DGAT2L6: variants seen among roughly 807,000 people sequenced by gnomAD.
DGAT2L6 encodes diacylglycerol O-acyltransferase 2 like 6.
Under a neutral mutation model 25.5 loss-of-function variants are expected in DGAT2L6, and 22 were observed. The ratio of observed to expected loss-of-function variants is 0.86; its 90% CI spans 0.62 to 1.23. The LOEUF is 1.23. Ranked by LOEUF, DGAT2L6 falls within the 50% of genes most tolerant of loss-of-function variation. The probability of loss-of-function intolerance (pLI) is 0.00; values close to 1 mark genes in which losing one functional copy is unlikely to be tolerated. For missense variants in DGAT2L6, 287 were observed against 253.2 expected (o/e 1.13, Z -0.91); for synonymous variants, 100 against 94.7 (o/e 1.06, Z -0.32).
chrX:70,200,296 C>G lies in DGAT2L6; in HGVS notation c.309C>G (p.Ile103Met). Residue 103 changes from isoleucine (I) to methionine (M), a missense_variant, in exon 4 of 7, where the codon ATC (isoleucine) becomes ATG (methionine). Ile to Met is a conservative substitution (Grantham distance 10). Transcript: ENST00000333026. ...ATCTTTCTCCCAAACACAACTACAT[C>G]ATTGCCAATCACCCCCATGGCATTC... is the stretch of plus-strand genomic sequence containing the variant. ...THDLSPKHNY[I>M]IANHPHGILS... 1 of 1,211,514 alleles carries G rather than the reference C, an allele frequency of 8.3e-7. No individual in the cohort carries two copies. Among genetic ancestry groups the G allele is most frequent in the Non-Finnish European group, 1.1e-6 (1 of 895,343 alleles).
intron 5 of DGAT2L6, among the ~76,000 whole-genome samples, chrX:70,204,011 G>C (rs1394005111): frequency 4.5e-5 from 5 of 111,213 alleles, no homozygotes; most frequent in Non-Finnish European, 9.4e-5. Context: ...GAGTTTGAGA[G>C]GAGTGGCATG....
rs1034838290 is a variant in DGAT2L6 at position 70,201,887 on chromosome X, C to T, written c.473-3C>T. ...TCTACCACTTGACTCTTTGGTTTCA[C>T]AGGTGTGTGCCCTGTGAGTAGCTCA... On this transcript the variant is annotated splice_region_variant and splice_polypyrimidine_tract_variant and intron_variant, in intron 4 of 6. Transcript: ENST00000333026. 1 of 1,165,861 alleles carries T rather than the reference C, an allele frequency of 8.6e-7. No homozygotes were observed. The highest frequency in any genetic ancestry group is 1.8e-5 in the African/African-American group (1 of 55,448).
chrX:70,199,153 GAA>G (rs778513112), intron 1 of DGAT2L6, 116 bp from the exon 2 acceptor site: 1 of 449,618 alleles, frequency 2.2e-6, no homozygotes. Context: ...GAGAAGGAGA[GAA>G]GAGTCCCACA....
At chrX:70,204,811 G>T in intron 6 of DGAT2L6, 141 bp from the exon 7 acceptor site, 1 of 745,063 alleles carries the variant, frequency 1.3e-6, no homozygotes, top group Non-Finnish European at 1.9e-6. Flanking sequence ...CAGGGGCCAG[G>T]ATGAGACTGG....
rs760655417 is a variant in DGAT2L6 at position 70,199,295 on chromosome X, C to T, written c.110C>T (p.Pro37Leu). ...FLGAIPILLI[P>L]YFLLFSKFWP... is the part of the protein sequence containing the mutation. ...GGAGCTATTCCCATTCTCCTTATAC[C>T]CTACTTTCTGTTATTCAGTAAGTTC... Residue 37 changes from proline (P) to leucine (L), a missense_variant, in exon 2 of 7, where the codon CCC (proline) becomes CTC (leucine). Physicochemically the swap from Pro to Leu is moderately conservative, Grantham distance 98. Coordinates refer to ENST00000333026, the MANE Select transcript of DGAT2L6 (RefSeq NM_198512.3). 8.4e-7 allele frequency: 1 copy of T among 1,189,671 alleles called. No homozygotes were observed. Among genetic ancestry groups the T allele is most frequent in the African/African-American group, 1.7e-5 (1 of 57,624 alleles).
chrX:70,191,517 C>A (rs2085375476), intron 1 of DGAT2L6, among the ~76,000 whole-genome samples: 1 of 110,923 alleles, frequency 9.0e-6, no homozygotes. Flanking sequence ...GCATAAGGAA[C>A]CTATGGGACA....
intron 1 of DGAT2L6, among the ~76,000 whole-genome samples, chrX:70,188,976 CAA>C (rs200306182): frequency 5.7e-3 from 241 of 42,314 alleles, no homozygotes; most frequent in East Asian, 0.019. Flanking sequence ...AGGGCATCTA[CAA>C]AAAAAAAAAA....
intron 3 of DGAT2L6, 135 bp from the exon 4 acceptor site, chrX:70,200,120 G>A (rs1401766351): frequency 3.4e-5 from 23 of 677,890 alleles, no homozygotes; most frequent in Non-Finnish European, 4.7e-5. Context: ...GCAATCCTAT[G>A]ACAATGATGA....
chrX:70,203,022 T>A (rs1243996481), intron 5 of DGAT2L6, among the ~76,000 whole-genome samples: 1 of 112,160 alleles, frequency 8.9e-6, no homozygotes, highest in Non-Finnish European at 1.9e-5. Flanking sequence ...TTAGAGTCTT[T>A]GCTTTAGCGG....
At chrX:70,196,376 G>A (rs1156636560) in intron 1 of DGAT2L6, among the ~76,000 whole-genome samples, 1 of 106,619 alleles carries the variant, frequency 9.4e-6, no homozygotes, top group Admixed American at 1.0e-4. Context: ...CAGCCACTCT[G>A]GAGGCTGAAG....
At chrX:70,189,142 A>G (rs965103931) in intron 1 of DGAT2L6, among the ~76,000 whole-genome samples, 12 of 111,398 alleles carry the variant, frequency 1.1e-4, no homozygotes, top group Non-Finnish European at 1.7e-4. Flanking sequence ...AAAGAAAAAA[A>G]GAAATAAATG....
chrX:70,199,686 G>A, intron 2 of DGAT2L6, 126 bp from the exon 3 acceptor site: 1 of 597,116 alleles, frequency 1.7e-6, no homozygotes, highest in East Asian at 3.5e-5. Context: ...AGTACTTACA[G>A]TTCTGAGGTG....
chrX:70,193,333 A>C (rs2085381025), intron 1 of DGAT2L6, among the ~76,000 whole-genome samples: 2 of 110,341 alleles, frequency 1.8e-5, no homozygotes, highest in Admixed American at 9.7e-5. Flanking sequence ...AAAAGGATTA[A>C]TGTCAATCCT....
At chrX:70,203,826 C>T (rs1397592464) in intron 5 of DGAT2L6, among the ~76,000 whole-genome samples, 4 of 110,320 alleles carry the variant, frequency 3.6e-5, no homozygotes, top group Admixed American at 2.9e-4. Flanking sequence ...AAGATACTTC[C>T]GACAGAGGGA....
intron 4 of DGAT2L6, among the ~76,000 whole-genome samples, chrX:70,201,503 C>T (rs1178743432): frequency 9.0e-6 from 1 of 111,386 alleles, no homozygotes; most frequent in African/African-American, 3.3e-5. Flanking sequence ...GTCTCGATTA[C>T]CCCTGGAGGA....
Position 70,177,654 on chromosome X carries a change from C to T in DGAT2L6, c.72C>T (p.Val24=), listed in dbSNP as rs765516479. 11 of 1,208,262 alleles carry T rather than the reference C, an allele frequency of 9.1e-6. No homozygotes were observed. The South Asian group carries it at 1.8e-4, about 19-fold the overall frequency. Residue 24 remains valine, a synonymous_variant, in exon 1 of 7, where the codon GTC becomes GTT. Coordinates refer to ENST00000333026, the MANE Select transcript of DGAT2L6 (RefSeq NM_198512.3). ...QTFFVLQWIP[V]YIFLGAIPIL... Reference sequence around the variant, plus strand: ...TCTTTGTTTTGCAATGGATCCCAGTCTATATATTTTTAGGTGAGTGAACCC... The same window carrying T: ...TCTTTGTTTTGCAATGGATCCCAGTTTATATATTTTTAGGTGAGTGAACCC...
At chrX:70,185,853 TG>T (rs1336872771) in intron 1 of DGAT2L6, among the ~76,000 whole-genome samples, 5 of 106,902 alleles carry the variant, frequency 4.7e-5, no homozygotes, top group African/African-American at 1.7e-4. Flanking sequence ...AAACTACTTT[TG>T]TTTTTTTTTT....
intron 5 of DGAT2L6, among the ~76,000 whole-genome samples, chrX:70,204,031 G>A (rs2085420168): frequency 9.0e-6 from 1 of 111,297 alleles, no homozygotes; most frequent in African/African-American, 3.3e-5. Context: ...GTCCAGATAT[G>A]CAGTTTACGA....
Position 70,201,887 on chromosome X carries a change from C to A in DGAT2L6, c.473-3C>A. ...TCTACCACTTGACTCTTTGGTTTCA[C>A]AGGTGTGTGCCCTGTGAGTAGCTCA... is the stretch of plus-strand genomic sequence containing the variant. On this transcript the variant is annotated splice_region_variant and splice_polypyrimidine_tract_variant and intron_variant, in intron 4 of 6. Transcript: ENST00000333026. 8.6e-7 allele frequency: 1 copy of A among 1,165,860 alleles called. No individual in the cohort carries two copies. Among genetic ancestry groups the A allele is most frequent in the Non-Finnish European group, 1.1e-6 (1 of 875,324 alleles).
Sources: allele counts gnomAD v4.1 joint callset (sites outside exome capture counted in the v4.1 genomes callset), GRCh38; gene constraint gnomAD v4.1.1; transcripts MANE v1.5; gene names NCBI Gene and HGNC (gene_info 2026-07-23, HGNC 2026-07-21).